The following PCGF5 variants were observed in gnomAD, a reference collection of about 807,000 sequenced individuals.
PCGF5 encodes polycomb group ring finger 5, also known as polycomb group RING finger protein 5.
A neutral mutation model predicts 44.3 loss-of-function variants in PCGF5; 9 were observed. The observed-to-expected ratio is 0.20, with a 90% confidence interval of 0.12 to 0.35. The LOEUF (loss-of-function observed/expected upper bound fraction) is 0.35. Ranked by LOEUF, PCGF5 falls within the 10% of genes least tolerant of loss-of-function variation. The pLI is 1.00. For synonymous variants in PCGF5, 95 were observed against 102.5 expected, an observed-to-expected ratio of 0.93 and a Z score of 0.44; for missense variants, 146 against 305.3, an observed-to-expected ratio of 0.48 and a Z score of 3.89.
rs1048144476 is a variant in PCGF5, at chr10:91,173,959, T to C, written c.-184+10878T>C. ...AAGTAAAACAGCTAAGACTCCAGTA[T>C]TGATGATGATTTTGGGCAGCAAAGA... On this transcript the variant is annotated intron_variant, in intron 1 of 9. Coordinates refer to the PCGF5 transcript ENST00000614189. Among the ~76,000 whole-genome samples the C allele has an allele frequency of 9.2e-5, 14 of 152,062 alleles. No homozygotes were observed. In the South Asian group the frequency reaches 2.9e-3, roughly 32 times the overall value.
At chr10:91,186,313 AC>A (rs570207476) in intron 1 of PCGF5, among the ~76,000 whole-genome samples, 12 of 152,186 alleles carry the variant, frequency 7.9e-5, no homozygotes, top group Non-Finnish European at 1.8e-4. Flanking sequence ...AACTGGGATC[AC>A]CAGCAGTTTT....
chr10:91,158,395 A>G (rs1843344603), upstream of PCGF5, among the ~76,000 whole-genome samples: 1 of 152,178 alleles, frequency 6.6e-6, no homozygotes, highest in African/African-American at 2.4e-5. Flanking sequence ...GATGACAACT[A>G]GCTACGGCGA....
rs1167451751 is a variant in PCGF5, at chr10:91,221,724, A to T, written c.-184+888A>T. On this transcript the variant is annotated intron_variant, in intron 1 of 9. Coordinates refer to ENST00000336126, the MANE Select transcript of PCGF5 (RefSeq NM_032373.5). ...CTGAGAGGATACATATTTTACAGTT[A>T]AAAAAAAAAAAAAACCTGAGACAGG... Among the ~76,000 whole-genome samples, 31 of 54,842 alleles carry T rather than the reference A, an allele frequency of 5.7e-4. No homozygotes were observed. The South Asian group carries it at 9.3e-3, about 16-fold the overall frequency. The allele number at this position is 54,842 out of a possible 152,430, so 36.0% of individuals were successfully genotyped here. A position where few individuals can be genotyped will look rare whatever the true frequency, so the allele number is the denominator to read the frequency against.
intron 1 of PCGF5, among the ~76,000 whole-genome samples, chr10:91,167,961 A>G (rs1208038260): frequency 2.6e-5 from 4 of 152,216 alleles, no homozygotes; most frequent in South Asian, 4.1e-4. Context: ...ACAGAAGCTC[A>G]GTCACTTAAG....
intron 6 of PCGF5, among the ~76,000 whole-genome samples, chr10:91,252,379 G>T (rs1469336047): frequency 6.6e-6 from 1 of 151,906 alleles, no homozygotes; most frequent in Non-Finnish European, 1.5e-5. Flanking sequence ...TTTCACTTCA[G>T]ATTAAGTTTT....
intron 2 of PCGF5, among the ~76,000 whole-genome samples, chr10:91,238,001 A>G (rs1278336272): frequency 6.6e-6 from 1 of 152,232 alleles, no homozygotes; most frequent in East Asian, 1.9e-4. Flanking sequence ...TAGCCACACT[A>G]AAAAAGAAAC....
At chr10:91,208,089 A>C (rs987478657) in intron 1 of PCGF5, among the ~76,000 whole-genome samples, 1 of 152,142 alleles carries the variant, frequency 6.6e-6, no homozygotes, top group African/African-American at 2.4e-5. Context: ...ATTTTTTCTT[A>C]ATAGTTTTAG....
intron 1 of PCGF5, among the ~76,000 whole-genome samples, chr10:91,181,025 G>A (rs964472178): frequency 2.6e-5 from 4 of 151,988 alleles, no homozygotes; most frequent in African/African-American, 9.7e-5. Flanking sequence ...ATTTTTTTAA[G>A]CAGTGGTTTG....
intron 1 of PCGF5, among the ~76,000 whole-genome samples, chr10:91,163,906 G>A (rs946150340): frequency 6.6e-6 from 1 of 152,198 alleles, no homozygotes; most frequent in South Asian, 2.1e-4. Context: ...CTCGGGCAGC[G>A]GCCGAAACGT....
intron 1 of PCGF5, among the ~76,000 whole-genome samples, chr10:91,163,940 C>T (rs567979150): frequency 6.6e-6 from 1 of 152,356 alleles, no homozygotes; most frequent in South Asian, 2.1e-4. Flanking sequence ...TGCCACCTCT[C>T]CTGGGTCTAC....
chr10:91,228,096 A>C, intron 2 of PCGF5: 1 of 251,410 alleles, frequency 4.0e-6, no homozygotes, highest in Non-Finnish European at 6.3e-6. Flanking sequence ...TTGGGGTCTT[A>C]GGGAGAGGGA....
At chr10:91,233,263 T>G (rs1350472522) in intron 2 of PCGF5, among the ~76,000 whole-genome samples, 2 of 152,126 alleles carry the variant, frequency 1.3e-5, no homozygotes, top group Non-Finnish European at 2.9e-5. Context: ...CCTACAGAAG[T>G]AGGGTAACCT....
intron 9 of PCGF5, 88 bp downstream of exon 9, chr10:91,271,785 A>T (rs1398936977): frequency 4.7e-6 from 5 of 1,074,388 alleles, no homozygotes; most frequent in Admixed American, 3.6e-5. Context: ...TAAGACATTT[A>T]ACTTTGTAAA....
chr10:91,247,593 G>A (rs77033468), intron 3 of PCGF5, among the ~76,000 whole-genome samples: 4 of 151,002 alleles, frequency 2.6e-5, no homozygotes, highest in Non-Finnish European at 1.5e-5. Context: ...AGGCAGGAAG[G>A]GGGTGTTGTG....
chr10:91,175,480 C>T (rs1444634540), intron 1 of PCGF5, among the ~76,000 whole-genome samples: 4 of 152,112 alleles, frequency 2.6e-5, no homozygotes, highest in Non-Finnish European at 4.4e-5. Context: ...ACTTACCACC[C>T]ATTTTTTCTA....
intron 2 of PCGF5, chr10:91,227,878 C>G (rs1844891402): frequency 1.0e-6 from 1 of 984,128 alleles, no homozygotes; most frequent in African/African-American, 1.7e-5. Context: ...CTCATCCCCT[C>G]TAAGATGTGC....
intron 1 of PCGF5, among the ~76,000 whole-genome samples, chr10:91,181,038 G>A (rs998006479): frequency 2.0e-5 from 3 of 152,008 alleles, no homozygotes; most frequent in Non-Finnish European, 4.4e-5. Context: ...GTGGTTTGTT[G>A]TTCTCCTTGT....
At chr10:91,181,898 G>GTC (rs2133193476) in intron 1 of PCGF5, among the ~76,000 whole-genome samples, 1 of 152,306 alleles carries the variant, frequency 6.6e-6, no homozygotes, top group South Asian at 2.1e-4. Context: ...TTAGGGAGGA[G>GTC]TCTCTCCTTT....
intron 1 of PCGF5, 133 bp downstream of exon 1, chr10:91,220,969 GCAGGGGGCTACCGACC>G (rs1247283511): frequency 6.6e-6 from 1 of 152,362 alleles, no homozygotes; most frequent in Non-Finnish European, 1.5e-5. Context: ...CCCTTCGGGT[GCAGGGGGCTACCGACC>G]CGGGCGGGGG....
Sources: gnomAD v4.1 joint callset for allele counts (sites outside exome capture counted in the v4.1 genomes callset) on GRCh38, gnomAD v4.1.1 for gene constraint, MANE v1.5 for transcripts, NCBI Gene and HGNC (gene_info 2026-07-23, HGNC 2026-07-21) for gene names.